TOR1AIP1: variants seen among roughly 807,000 people sequenced by gnomAD.
TOR1AIP1 encodes the protein torsin 1A interacting protein 1.
TOR1AIP1 carries 54 observed loss-of-function variants against 63.3 expected under a neutral mutation model. The ratio of observed to expected loss-of-function variants is 0.85; its 90% confidence interval spans 0.69 to 1.07. The LOEUF is 1.07. Ranked by LOEUF, TOR1AIP1 falls within the 50% of genes least tolerant of loss-of-function variation. TOR1AIP1 has a pLI of 0.00. For missense variants in TOR1AIP1, 736 were observed against 715.0 expected (o/e 1.03, Z -0.33); for synonymous variants, 294 against 273.5 (o/e 1.07, Z -0.74).
chr1:179,884,473 G>A (rs1422580497), intron 1 of TOR1AIP1, among the ~76,000 whole-genome samples: 1 of 151,880 alleles, frequency 6.6e-6, no homozygotes, highest in Non-Finnish European at 1.5e-5. Flanking sequence ...AAACAACAAT[G>A]GCAAATATTA....
intron 8 of TOR1AIP1, chr1:179,913,505 A>G: frequency 2.9e-6 from 2 of 691,518 alleles, no homozygotes; most frequent in Non-Finnish European, 2.6e-6. Context: ...GAGGATTAAG[A>G]TTTTTATATT....
At chr1:179,897,471 T>G (rs1648323750) in intron 3 of TOR1AIP1, among the ~76,000 whole-genome samples, 1 of 152,208 alleles carries the variant, frequency 6.6e-6, no homozygotes, top group African/African-American at 2.4e-5. Flanking sequence ...TCTTCAAATG[T>G]ATACAGATAA....
intron 8 of TOR1AIP1, among the ~76,000 whole-genome samples, chr1:179,911,686 CT>C (rs1648835537): frequency 6.6e-6 from 1 of 152,242 alleles, no homozygotes; most frequent in African/African-American, 2.4e-5. Context: ...AGCTCTTCCA[CT>C]TACTAATTGA....
At chr1:179,887,583 G>A (rs756038120) in intron 2 of TOR1AIP1, among the ~76,000 whole-genome samples, 6 of 152,102 alleles carry the variant, frequency 3.9e-5, no homozygotes, top group Non-Finnish European at 5.9e-5. Flanking sequence ...TAAAATAGCC[G>A]TTAGGTTGTT....
In TOR1AIP1 at chr1:179,882,648, C is replaced by G. The variant is rs926969093; in HGVS notation, c.146C>G (p.Pro49Arg). 1 of 1,575,500 alleles carries G rather than the reference C, an allele frequency of 6.3e-7. No individual in the cohort carries two copies. The highest frequency in any genetic ancestry group is 8.6e-7 in the Non-Finnish European group (1 of 1,161,196). Residue 49 changes from proline (P) to arginine (R), a missense_variant, in exon 1 of 10, where the codon CCG (proline) becomes CGG (arginine). By Grantham distance (103) the Pro-to-Arg change is moderately radical. Coordinates refer to ENST00000606911, the MANE Select transcript of TOR1AIP1 (RefSeq NM_015602.4). ...GATGCGCCTGCGTACAGAACTCCTC[C>G]GTCGCGCCAGGGCCGGCGGGAAGTG... ...SSDAPAYRTP[P>R]SRQGRREVRF...
intron 3 of TOR1AIP1, among the ~76,000 whole-genome samples, chr1:179,893,929 A>G (rs1648184131): frequency 6.6e-6 from 1 of 152,150 alleles, no homozygotes; most frequent in African/African-American, 2.4e-5. Flanking sequence ...GTCCTTTATA[A>G]AAAAAGTTTG....
At chr1:179,884,939 A>G (rs1275926460) in intron 2 of TOR1AIP1, among the ~76,000 whole-genome samples, 170 bp downstream of exon 2, 1 of 152,268 alleles carries the variant, frequency 6.6e-6, no homozygotes, top group Non-Finnish European at 1.5e-5. Context: ...CCAATTTCAT[A>G]GAAGAGAAAA....
rs1249664244 is a variant in TOR1AIP1, at chr1:179,906,743, C to CT, written c.797-1068dup. Among the ~76,000 whole-genome samples, 341 of 39,848 alleles carry CT rather than the reference C, an allele frequency of 8.6e-3. 1 individual carries two copies. Among genetic ancestry groups the CT allele is most frequent in the Middle Eastern group, 0.026 (2 of 76 alleles). 26.1% of individuals were successfully genotyped at this position (39,848 alleles called of 152,430 possible). On this transcript the variant is annotated intron_variant, in intron 6 of 9. Coordinates refer to ENST00000606911, the MANE Select transcript of TOR1AIP1 (RefSeq NM_015602.4). ...TTACCAATTTTGGTTCCCCCCCCCC[C>CT]TTTTTTTTTTTTGAGACAGAGTCTC...
Position 179,903,948 on chromosome 1 carries a change from C to T in TOR1AIP1, c.740-18C>T, listed in dbSNP as rs1648543422. ...AAAGTTGGATATTATTTATAGTGTA[C>T]TGTTTTTTATTTTTTAGATAAAACC... On this transcript the variant is annotated intron_variant, in intron 5 of 9. Transcript: ENST00000606911. 1 of 1,531,944 alleles carries T rather than the reference C, an allele frequency of 6.5e-7. No individual in the cohort carries two copies. Among genetic ancestry groups the T allele is most frequent in the African/African-American group, 1.4e-5 (1 of 72,856 alleles). The allele number at this position is 1,531,944 out of a possible 1,614,324, so 94.9% of individuals were successfully genotyped here.
chr1:179,909,388 GTTT>G (rs1648757376), intron 8 of TOR1AIP1, among the ~76,000 whole-genome samples: 2 of 476 alleles, frequency 4.2e-3, no homozygotes, highest in Non-Finnish European at 0.012. Flanking sequence ...TCTGTTTTTT[GTTT>G]TGTTTTGTTT....
chr1:179,906,186 G>T (rs186485618), intron 6 of TOR1AIP1, among the ~76,000 whole-genome samples: 2 of 152,148 alleles, frequency 1.3e-5, no homozygotes, highest in Admixed American at 1.3e-4. Flanking sequence ...ATATTAAAAC[G>T]TATGTATCCA....
At chr1:179,906,948 A>G (rs190375098) in intron 6 of TOR1AIP1, among the ~76,000 whole-genome samples, 6 of 151,660 alleles carry the variant, frequency 4.0e-5, no homozygotes, top group Admixed American at 3.9e-4. Flanking sequence ...CGTGTTAGCC[A>G]GGATGGTCTC....
At position 179,918,109 on chromosome 1, in the gene TOR1AIP1, C is replaced by T. The variant is rs141962133; in HGVS notation, c.1622C>T (p.Thr541Ile). Residue 541 changes from threonine to isoleucine, a missense_variant, in exon 10 of 10, where the codon ACC becomes ATC. Transcript: ENST00000606911. ...KVRDFLKVKF[T>I]NSNTPNSYNH... Reference sequence around the variant, plus strand: ...AGAGATTTTCTTAAAGTCAAGTTCACCAATTCTAACACACCCAACTCCTAC... The same window carrying T: ...AGAGATTTTCTTAAAGTCAAGTTCATCAATTCTAACACACCCAACTCCTAC... 4 of 1,614,104 alleles carry T rather than the reference C, an allele frequency of 2.5e-6. No individual in the cohort carries two copies. The highest frequency in any genetic ancestry group is 3.4e-6 in the Non-Finnish European group (4 of 1,180,042).
chr1:179,882,993 G>GT lies in TOR1AIP1; in HGVS notation c.475+17dup, dbSNP rs770017638. The GT allele has an allele frequency of 3.4e-5, 54 of 1,598,066 alleles. No individual in the cohort carries two copies. In the East Asian group the frequency reaches 1.2e-3, roughly 34 times the overall value. ...TCCTCTGAAGGTGAGGACCGCGGAG[G>GT]TAACAGTCCCAGCCGCGAGCCAGGG... On this transcript the variant is annotated intron_variant, in intron 1 of 9. Transcript: ENST00000606911.
chr1:179,882,922 A>G lies in TOR1AIP1; in HGVS notation c.420A>G (p.Leu140=). ...AGCAGCACTCAGAGCAGCCTCCGCT[A>G]CAGCCGTCTCCTGTTATGACCAGGA... ...LQQQHSEQPP[L]QPSPVMTRRG... The change falls in exon 1 of 10, where the codon CTA becomes CTG. Residue 140 remains leucine, a synonymous_variant. Transcript: ENST00000606911. 6.2e-7 allele frequency: 1 copy of G among 1,614,068 alleles called. No individual in the cohort carries two copies. The highest frequency in any genetic ancestry group is 1.1e-5 in the South Asian group (1 of 91,070).
chr1:179,884,686 T>A lies in TOR1AIP1; in HGVS notation c.476-6T>A. 6.2e-7 allele frequency: 1 copy of A among 1,604,978 alleles called. No individual in the cohort carries two copies. Among genetic ancestry groups the A allele is most frequent in the Non-Finnish European group, 8.5e-7 (1 of 1,176,658 alleles). Reference sequence around the variant, plus strand: ...AATTTTAACTCTTGTTATGTCTGTTTTTTAGAGGATGAAGCATCTTCCCAA... The same window carrying A: ...AATTTTAACTCTTGTTATGTCTGTTATTTAGAGGATGAAGCATCTTCCCAA... On this transcript the variant is annotated splice_region_variant and splice_polypyrimidine_tract_variant and intron_variant, in intron 1 of 9. Transcript: ENST00000606911.
chr1:179,896,335 G>T (rs2501605), intron 3 of TOR1AIP1, among the ~76,000 whole-genome samples: 141,870 of 152,144 alleles, frequency 0.93, 66,245 homozygotes, highest in Middle Eastern at 0.97. Flanking sequence ...TGGAGTGCAG[G>T]AGCGTGATCT....
At chr1:179,892,247 A>G (rs930177004) in intron 3 of TOR1AIP1, among the ~76,000 whole-genome samples, 17 of 152,022 alleles carry the variant, frequency 1.1e-4, no homozygotes, top group African/African-American at 4.1e-4. Context: ...TGAGGTGGGC[A>G]GATCACCTGA....
At position 179,904,017 on chromosome 1, in the gene TOR1AIP1, C is replaced by T. The variant is rs1648545614; in HGVS notation, c.791C>T (p.Ser264Leu). The T allele has an allele frequency of 4.4e-6, 7 of 1,606,584 alleles. No homozygotes were observed. The highest frequency in any genetic ancestry group is 6.0e-6 in the Non-Finnish European group (7 of 1,175,330). The change falls in exon 6 of 10, where the codon TCA becomes TTA. Residue 264 changes from serine to leucine, a missense_variant. Physicochemically the swap from Ser to Leu is moderately radical, Grantham distance 145. This residue lies in a region of TOR1AIP1 where 464 missense variants were observed against 371.0 expected (regional missense o/e 1.25). Coordinates refer to ENST00000606911, the MANE Select transcript of TOR1AIP1 (RefSeq NM_015602.4). ...TATATAGAATCATTTTGGCAGTCAT[C>T]ACAAAGTAAGTAAAGCTGTGTTTAC... The part of the protein sequence containing the change: ...SQYIESFWQS[S>L]QSQNFTAHDK...
Sources: gnomAD v4.1 joint callset for allele counts (sites outside exome capture counted in the v4.1 genomes callset) on GRCh38, gnomAD v4.1.1 for gene constraint, gnomAD v4.1.1 regional missense constraint, MANE v1.5 for transcripts, NCBI Gene and HGNC (gene_info 2026-07-23, HGNC 2026-07-21) for gene names.